ARMC8: variants seen among roughly 807,000 people sequenced by gnomAD.
ARMC8 encodes armadillo repeat containing 8, also known as armadillo repeat-containing protein 8.
A neutral mutation model predicts 99.3 loss-of-function variants in ARMC8; 20 were observed. The ratio of observed to expected loss-of-function variants is 0.20; its 90% CI spans 0.14 to 0.29. The LOEUF (loss-of-function observed/expected upper bound fraction) is 0.29, where lower values mean the gene tolerates loss of function less well. Ranked by LOEUF, ARMC8 falls within the 10% of genes least tolerant of loss-of-function variation. ARMC8 has a pLI of 1.00. For synonymous variants in ARMC8, 263 were observed against 278.3 expected (o/e 0.95, Z 0.55); for missense variants, 569 against 809.5 (o/e 0.70, Z 3.60).
rs142697668 is a variant in ARMC8 at position 138,222,086 on chromosome 3, A to G, written c.194+89A>G. 2.4e-4 allele frequency: 225 copies of G among 937,872 alleles called. No homozygotes were observed. In the African/African-American group the frequency reaches 3.3e-3, roughly 14 times the overall value. 58.1% of individuals were successfully genotyped at this position (937,872 alleles called of 1,614,324 possible). On this transcript the variant is annotated intron_variant, in intron 3 of 21. Transcript: ENST00000469044. ...CAATTATAGAACCCATTTTTCCTGTATTGTCTGTCTAATTCTTAAAATAAA... is the reference window on the plus strand; with the variant it reads ...CAATTATAGAACCCATTTTTCCTGTGTTGTCTGTCTAATTCTTAAAATAAA...
chr3:138,229,178 A>ATATATATATATGTATATG lies in ARMC8; in HGVS notation c.528+173_528+174insATATATGTATATGTATAT, dbSNP rs1576686064. 6.0e-3 allele frequency: 194 copies of ATATATATATATGTATATG among 32,088 alleles called. 2 individuals are homozygous for ATATATATATATGTATATG. The highest frequency in any genetic ancestry group is 0.017 in the African/African-American group (171 of 10,304). The allele number at this position is 32,088 out of a possible 1,614,324, so 2.0% of individuals were successfully genotyped here. A position where few individuals can be genotyped will look rare whatever the true frequency, so the allele number is the denominator to read the frequency against. On this transcript the variant is annotated intron_variant, in intron 6 of 21. Transcript: ENST00000469044. ...TATATATATATATATATATATATAT[A>ATATATATATATGTATATG]TATATGTATATGTATATGTATATGT...
Position 138,245,170 on chromosome 3 carries a change from A to G in ARMC8, c.1121A>G (p.Asp374Gly). Residue 374 changes from aspartate (D) to glycine (G), a missense_variant, in exon 12 of 22, where the codon GAC becomes GGC. Physicochemically the swap from Asp to Gly is moderately conservative, Grantham distance 94 (BLOSUM62 -1). Transcript: ENST00000469044. ...GCCTCTCTTGGAGCAAATGATGAAG[A>G]CATCCGGAAGAAGGTGAGTCTGGGA... ...LYASLGANDE[D>G]IRKKIIETEN... 3 of 1,614,202 alleles carry G rather than the reference A, an allele frequency of 1.9e-6. No homozygotes were observed. The highest frequency in any genetic ancestry group is 2.5e-6 in the Non-Finnish European group (3 of 1,180,030).
intron 21 of ARMC8, among the ~76,000 whole-genome samples, chr3:138,294,766 T>C (rs75923610): frequency 0.011 from 1,654 of 152,292 alleles, 26 homozygotes; most frequent in African/African-American, 0.038. Context: ...TTACCATGTT[T>C]GTGATAGGAA....
chr3:138,274,689 C>T, intron 18 of ARMC8, 145 bp downstream of exon 18: 1 of 636,498 alleles, frequency 1.6e-6, no homozygotes, highest in Non-Finnish European at 2.7e-6. Flanking sequence ...TATCTTCCAC[C>T]ATCCCTTAAA....
chr3:138,255,227 G>C (rs1397792831), intron 12 of ARMC8, among the ~76,000 whole-genome samples: 1 of 143,240 alleles, frequency 7.0e-6, no homozygotes, highest in Non-Finnish European at 1.5e-5. Flanking sequence ...TTTTGAGATG[G>C]AGTCTCGCTC....
chr3:138,218,234 G>A (rs189739806), intron 2 of ARMC8, among the ~76,000 whole-genome samples: 108 of 152,230 alleles, frequency 7.1e-4, no homozygotes, highest in Admixed American at 1.8e-3. Context: ...ACAAGGGGGG[G>A]CATCAGCCAC....
intron 19 of ARMC8, 75 bp downstream of exon 19, chr3:138,284,601 C>T: frequency 2.7e-6 from 3 of 1,108,244 alleles, no homozygotes; most frequent in Non-Finnish European, 2.7e-6. Context: ...ATAAATTGTG[C>T]AGAGATTTTA....
At position 138,241,914 on chromosome 3, in the gene ARMC8, C is replaced by T; in HGVS notation, c.969C>T (p.His323=). 1.9e-6 allele frequency: 3 copies of T among 1,614,046 alleles called. No individual in the cohort carries two copies. Among genetic ancestry groups the T allele is most frequent in the South Asian group, 1.1e-5 (1 of 91,078 alleles). Residue 323 remains histidine, a synonymous_variant, in exon 11 of 22, where the codon CAC becomes CAT. Coordinates refer to ENST00000469044, the MANE Select transcript of ARMC8 (RefSeq NM_001363941.2). ...AGAGAATCGCTAGCATAACTGATCACCTCATTGCCATGCTTGCTGATTATT... is the reference window on the plus strand; with the variant it reads ...AGAGAATCGCTAGCATAACTGATCATCTCATTGCCATGCTTGCTGATTATT... ...ELQRIASITD[H]LIAMLADYFK... is the part of the protein sequence containing the mutation.
chr3:138,187,911 C>T (rs893463414), intron 1 of ARMC8: 2 of 433,838 alleles, frequency 4.6e-6, no homozygotes, highest in African/African-American at 2.0e-5. Flanking sequence ...CCAAGCGTTT[C>T]ACTGAGCCTT....
chr3:138,222,190 G>C (rs968503115), intron 3 of ARMC8, among the ~76,000 whole-genome samples, 193 bp downstream of exon 3: 1 of 152,184 alleles, frequency 6.6e-6, no homozygotes, highest in Non-Finnish European at 1.5e-5. Context: ...AATGTAGTAA[G>C]AAGTGAATGT....
At chr3:138,286,343 A>G (rs1274171306) in intron 19 of ARMC8, among the ~76,000 whole-genome samples, 2 of 152,076 alleles carry the variant, frequency 1.3e-5, no homozygotes, top group African/African-American at 4.8e-5. Context: ...CTCTACCCCC[A>G]TCATTCAACT....
intron 5 of ARMC8, among the ~76,000 whole-genome samples, chr3:138,225,872 C>T (rs564619048): frequency 3.0e-4 from 45 of 152,312 alleles, no homozygotes; most frequent in Admixed American, 8.5e-4. Flanking sequence ...GCTCCCTAGT[C>T]TGTCCTTCCT....
At chr3:138,197,313 G>A (rs1478087400) in intron 1 of ARMC8, among the ~76,000 whole-genome samples, 3 of 152,186 alleles carry the variant, frequency 2.0e-5, no homozygotes, top group Non-Finnish European at 2.9e-5. Context: ...TAGCTCCAAG[G>A]CAGGGCTATT....
intron 6 of ARMC8, 160 bp downstream of exon 6, chr3:138,229,170 A>ATG (rs2045887084): frequency 1.7e-4 from 8 of 46,594 alleles, no homozygotes; most frequent in East Asian, 1.4e-3. Flanking sequence ...ATATATATAT[A>ATG]TATATATATA....
chr3:138,276,266 CTGACATACAAT>C (rs1215354263), intron 18 of ARMC8, among the ~76,000 whole-genome samples: 1 of 152,180 alleles, frequency 6.6e-6, no homozygotes, highest in African/African-American at 2.4e-5. Context: ...ATTTTTTTGA[CTGACATACAAT>C]TGACATACAA....
intron 1 of ARMC8, chr3:138,188,380 T>G: frequency 7.1e-7 from 1 of 1,402,362 alleles, no homozygotes; most frequent in East Asian, 2.6e-5. Flanking sequence ...TAAAACCTGT[T>G]TTTTTTTTTT....
At chr3:138,194,643 TA>T (rs2043606502) in intron 1 of ARMC8, among the ~76,000 whole-genome samples, 1 of 151,894 alleles carries the variant, frequency 6.6e-6, no homozygotes, top group Non-Finnish European at 1.5e-5. Context: ...CAGCTGTCAT[TA>T]TTTTTTTTTT....
chr3:138,240,401 A>G (rs1400218901), intron 10 of ARMC8, among the ~76,000 whole-genome samples: 8 of 151,948 alleles, frequency 5.3e-5, no homozygotes, highest in African/African-American at 1.9e-4. Flanking sequence ...TAAGTAAACA[A>G]CTCTTCATAG....
chr3:138,213,318 A>G (rs2044814206), intron 2 of ARMC8, among the ~76,000 whole-genome samples: 2 of 152,236 alleles, frequency 1.3e-5, no homozygotes, highest in Non-Finnish European at 1.5e-5. Flanking sequence ...AAAGATTAAC[A>G]TTAAGCATCA....
Sources: allele counts gnomAD v4.1 joint callset (sites outside exome capture counted in the v4.1 genomes callset), GRCh38; gene constraint gnomAD v4.1.1; transcripts MANE v1.5; gene names NCBI Gene and HGNC (gene_info 2026-07-23, HGNC 2026-07-21).